The following CDYL2 variants were observed in gnomAD, a reference collection of about 807,000 sequenced individuals.
CDYL2 encodes the protein chromodomain Y like 2, also known as chromodomain Y-like protein 2.
Under a neutral mutation model 49.4 loss-of-function variants are expected in CDYL2, and 23 were observed. That is an observed-to-expected ratio of 0.47 (90% CI 0.34 to 0.66). The LOEUF is 0.66. Among genes scored for constraint, CDYL2 ranks in the 30% least tolerant of loss-of-function variants. The pLI, the probability that CDYL2 is intolerant of heterozygous loss-of-function variation, is 0.01. For synonymous variants in CDYL2, 360 were observed against 268.8 expected, an observed-to-expected ratio of 1.34 and a Z score of -3.32; for missense variants, 678 against 656.4, an observed-to-expected ratio of 1.03 and a Z score of -0.36.
intron 1 of CDYL2, among the ~76,000 whole-genome samples, chr16:80,692,924 T>C (rs889286623): frequency 2.0e-5 from 3 of 152,072 alleles, no homozygotes; most frequent in African/African-American, 7.2e-5. Flanking sequence ...CCTGGAGAAA[T>C]CTAAGTATTT....
At chr16:80,615,404 T>C (rs543977016) in intron 4 of CDYL2, among the ~76,000 whole-genome samples, 2 of 152,290 alleles carry the variant, frequency 1.3e-5, no homozygotes, top group South Asian at 4.2e-4. Context: ...GTCTTAGATC[T>C]CAGAGGTGGG....
intron 4 of CDYL2, among the ~76,000 whole-genome samples, chr16:80,613,440 A>C (rs1019959617): frequency 1.3e-5 from 2 of 152,090 alleles, no homozygotes; most frequent in South Asian, 4.2e-4. Context: ...TTTCTTTCAA[A>C]AATCACACCT....
At chr16:80,708,754 T>A (rs1157493563) in intron 1 of CDYL2, among the ~76,000 whole-genome samples, 1 of 152,178 alleles carries the variant, frequency 6.6e-6, no homozygotes, top group Non-Finnish European at 1.5e-5. Flanking sequence ...CAGGGTTGTT[T>A]TTTTTTGTAC....
intron 1 of CDYL2, among the ~76,000 whole-genome samples, chr16:80,764,447 C>G (rs1416769348): frequency 6.6e-6 from 1 of 152,138 alleles, no homozygotes; most frequent in Non-Finnish European, 1.5e-5. Flanking sequence ...TGATGCTATT[C>G]CATTCCCTAT....
At chr16:80,681,509 G>A (rs1423462171) in intron 2 of CDYL2, among the ~76,000 whole-genome samples, 2 of 152,298 alleles carry the variant, frequency 1.3e-5, no homozygotes, top group East Asian at 3.9e-4. Flanking sequence ...GGCATCCCCT[G>A]TCTTGGGTCT....
chr16:80,797,798 C>G (rs1455912311), intron 1 of CDYL2, among the ~76,000 whole-genome samples: 1 of 152,158 alleles, frequency 6.6e-6, no homozygotes, highest in Admixed American at 6.5e-5. Flanking sequence ...TTACCACTCC[C>G]TTAGTTCAAG....
At chr16:80,789,471 G>C (rs1317265647) in intron 1 of CDYL2, among the ~76,000 whole-genome samples, 1 of 152,028 alleles carries the variant, frequency 6.6e-6, no homozygotes, top group East Asian at 1.9e-4. Context: ...ATGGTGGTGG[G>C]CACCTGTAAT....
intron 1 of CDYL2, among the ~76,000 whole-genome samples, chr16:80,718,471 A>T (rs1347346984): frequency 6.6e-6 from 1 of 152,140 alleles, no homozygotes; most frequent in Admixed American, 6.5e-5. Flanking sequence ...TAAAGTGCTC[A>T]CCCTAAGAGC....
intron 1 of CDYL2, among the ~76,000 whole-genome samples, chr16:80,777,903 T>C (rs1455807838): frequency 6.6e-6 from 1 of 151,918 alleles, no homozygotes; most frequent in East Asian, 1.9e-4. Context: ...AAAGAGATAC[T>C]CAATACTAAA....
chr16:80,670,906 C>G (rs1479164311), intron 2 of CDYL2: 1 of 455,874 alleles, frequency 2.2e-6, no homozygotes, highest in Non-Finnish European at 4.4e-6. Flanking sequence ...AAAAGGGGCT[C>G]TATACACAGG....
intron 2 of CDYL2, among the ~76,000 whole-genome samples, chr16:80,645,532 T>G (rs1353407335): frequency 6.6e-6 from 1 of 152,158 alleles, no homozygotes; most frequent in African/African-American, 2.4e-5. Flanking sequence ...TTTACACTGT[T>G]GGTGGTACTG....
chr16:80,607,725 C>G (rs1050200804), intron 6 of CDYL2, among the ~76,000 whole-genome samples: 22 of 152,204 alleles, frequency 1.4e-4, no homozygotes, highest in African/African-American at 5.3e-4. Flanking sequence ...TAGTCATCTT[C>G]CGGATGGGTT....
In CDYL2 at chr16:80,604,152, T is replaced by G. The variant is rs1906223255; in HGVS notation, c.*236A>C. On this transcript the variant is annotated 3_prime_UTR_variant, in exon 7 of 7. Transcript: ENST00000570137. ...GCGGAGCCCTGGGAAGATACAGCCT[T>G]GGACAGCTCTCTGGCCAGGAAGGGC... The G allele has an allele frequency of 3.5e-6, 2 of 565,226 alleles. No individual in the cohort carries two copies. Among genetic ancestry groups the G allele is most frequent in the East Asian group, 3.0e-5 (1 of 33,078 alleles). The allele number at this position is 565,226 out of a possible 1,614,324, so 35.0% of individuals were successfully genotyped here. A position where few individuals can be genotyped will look rare whatever the true frequency, so the allele number is the denominator to read the frequency against.
At chr16:80,657,323 A>C (rs1321598666) in intron 2 of CDYL2, among the ~76,000 whole-genome samples, 1 of 152,256 alleles carries the variant, frequency 6.6e-6, no homozygotes, top group African/African-American at 2.4e-5. Context: ...GACAGTGAAT[A>C]GCATAAAGAA....
intron 1 of CDYL2, among the ~76,000 whole-genome samples, chr16:80,716,665 T>G (rs533188470): frequency 6.7e-6 from 1 of 148,406 alleles, no homozygotes; most frequent in African/African-American, 2.5e-5. Flanking sequence ...ACTGGATGAA[T>G]AGATGATTGG....
chr16:80,719,045 C>A (rs1221097543), intron 1 of CDYL2, among the ~76,000 whole-genome samples: 1 of 152,194 alleles, frequency 6.6e-6, no homozygotes, highest in African/African-American at 2.4e-5. Context: ...TGGGCAGCAG[C>A]TCCTGAGATT....
At chr16:80,799,050 T>C (rs1349660620) in intron 1 of CDYL2, among the ~76,000 whole-genome samples, 3 of 151,852 alleles carry the variant, frequency 2.0e-5, no homozygotes, top group Non-Finnish European at 4.4e-5. Flanking sequence ...GATATTTAAG[T>C]GAAAATAAAA....
chr16:80,698,307 A>AAT (rs1437619564), intron 1 of CDYL2, among the ~76,000 whole-genome samples: 1 of 152,256 alleles, frequency 6.6e-6, no homozygotes, highest in Non-Finnish European at 1.5e-5. Context: ...AACAATCAAC[A>AAT]GAATGAACAA....
At chr16:80,674,922 G>GGT (rs779945279) in intron 2 of CDYL2, among the ~76,000 whole-genome samples, 1 of 152,178 alleles carries the variant, frequency 6.6e-6, no homozygotes, top group Non-Finnish European at 1.5e-5. Flanking sequence ...TAGATGTGCA[G>GGT]GTGTGTGTGT....
Sources: gnomAD v4.1 joint callset for allele counts (sites outside exome capture counted in the v4.1 genomes callset) on GRCh38, gnomAD v4.1.1 for gene constraint, MANE v1.5 for transcripts, NCBI Gene and HGNC (gene_info 2026-07-23, HGNC 2026-07-21) for gene names.